Variants in RBM20 observed in about 807,000 individuals in gnomAD.
RBM20 encodes the protein RNA binding motif protein 20.
A neutral mutation model predicts 110.1 loss-of-function variants in RBM20; 51 were observed. The observed-to-expected ratio is 0.46, with a 90% CI of 0.37 to 0.59. The LOEUF is 0.59. Ranked by LOEUF, RBM20 falls within the 20% of genes least tolerant of loss-of-function variation. The pLI is 0.00. For missense variants in RBM20, 1,512 were observed against 1,574.9 expected (o/e 0.96, Z 0.68); for synonymous variants, 589 against 618.2 (o/e 0.95, Z 0.70).
intron 1 of RBM20, among the ~76,000 whole-genome samples, chr10:110,721,693 C>A (rs1421904166): frequency 6.6e-6 from 1 of 152,066 alleles, no homozygotes; most frequent in East Asian, 1.9e-4. Flanking sequence ...AAAGTGTCTC[C>A]CTATTTCTCA....
intron 1 of RBM20, among the ~76,000 whole-genome samples, chr10:110,758,661 C>G (rs1686492533): frequency 6.6e-6 from 1 of 152,166 alleles, no homozygotes; most frequent in African/African-American, 2.4e-5. Flanking sequence ...TATGTGCTGT[C>G]TAGCATGATA....
chr10:110,702,363 C>T (rs1432525630), intron 1 of RBM20, among the ~76,000 whole-genome samples: 1 of 144,794 alleles, frequency 6.9e-6, no homozygotes, highest in African/African-American at 2.8e-5. Flanking sequence ...CCATCTCTAC[C>T]AAACAAACAA....
intron 7 of RBM20, among the ~76,000 whole-genome samples, chr10:110,800,577 G>C (rs149466430): frequency 2.0e-5 from 3 of 152,036 alleles, no homozygotes; most frequent in Non-Finnish European, 4.4e-5. Context: ...CACAAATCCC[G>C]TAAAACCACC....
In RBM20 at chr10:110,821,707, A is replaced by C; in HGVS notation, c.3088A>C (p.Lys1030Gln). Residue 1030 changes from lysine to glutamine, a missense_variant, in exon 11 of 14, where the codon AAG becomes CAG. By Grantham distance (53) the Lys-to-Gln change is moderately conservative (BLOSUM62 1). Coordinates refer to ENST00000369519, the MANE Select transcript of RBM20 (RefSeq NM_001134363.3). ...TTCAGATTGCTACGAGAAGGAGGCA[A>C]AGGGAGTGGAGAGCTCAGATGTTCA... Reference protein sequence around the residue: ...EDSDCYEKEAKGVESSDVHPA... With the variant: ...EDSDCYEKEAQGVESSDVHPA... 1.3e-6 allele frequency: 2 copies of C among 1,551,766 alleles called. No individual in the cohort carries two copies. Among genetic ancestry groups the C allele is most frequent in the African/African-American group, 1.4e-5 (1 of 73,162 alleles).
chr10:110,664,734 G>A (rs1045580270), intron 1 of RBM20, among the ~76,000 whole-genome samples: 2 of 151,928 alleles, frequency 1.3e-5, no homozygotes, highest in Admixed American at 6.6e-5. Context: ...GCAACAGAGT[G>A]AGACTCTGTC....
intron 1 of RBM20, among the ~76,000 whole-genome samples, chr10:110,667,386 C>T (rs1862193862): frequency 6.6e-6 from 1 of 152,128 alleles, no homozygotes; most frequent in Non-Finnish European, 1.5e-5. Flanking sequence ...TGAGGAGGCT[C>T]AGTGCTCTAA....
intron 1 of RBM20, among the ~76,000 whole-genome samples, chr10:110,764,844 A>G (rs1844058211): frequency 6.6e-6 from 1 of 152,186 alleles, no homozygotes; most frequent in Admixed American, 6.5e-5. Context: ...GCATGACATC[A>G]TCCTACCTTT....
chr10:110,817,702 C>G (rs777880477), intron 9 of RBM20, among the ~76,000 whole-genome samples: 5 of 152,218 alleles, frequency 3.3e-5, no homozygotes, highest in Non-Finnish European at 5.9e-5. Flanking sequence ...TGTGATAAAT[C>G]TGAGCCTTCT....
intron 1 of RBM20, among the ~76,000 whole-genome samples, chr10:110,753,717 A>G (rs993989133): frequency 6.6e-6 from 1 of 152,194 alleles, no homozygotes; most frequent in Non-Finnish European, 1.5e-5. Context: ...GCAGAAGCCC[A>G]TCATCAGTTT....
At chr10:110,772,029 G>A (rs1844200821) in intron 1 of RBM20, among the ~76,000 whole-genome samples, 1 of 152,024 alleles carries the variant, frequency 6.6e-6, no homozygotes, top group African/African-American at 2.4e-5. Flanking sequence ...TTATGTTACC[G>A]AGAAAATGGA....
At chr10:110,714,798 G>T (rs1590632355) in intron 1 of RBM20, among the ~76,000 whole-genome samples, 1 of 151,884 alleles carries the variant, frequency 6.6e-6, no homozygotes, top group Non-Finnish European at 1.5e-5. Flanking sequence ...TAGTTGACCT[G>T]GTTGGAGACC....
chr10:110,714,609 G>C (rs918979909), intron 1 of RBM20, among the ~76,000 whole-genome samples: 1 of 152,258 alleles, frequency 6.6e-6, no homozygotes, highest in African/African-American at 2.4e-5. Context: ...AGGAGCTGCT[G>C]CCCCAAGAGA....
upstream of RBM20, among the ~76,000 whole-genome samples, chr10:110,643,510 AC>A (rs371221208): frequency 4.7e-4 from 72 of 152,314 alleles, no homozygotes; most frequent in South Asian, 0.014. Context: ...CGTGACGGTG[AC>A]CGTACGTTGT....
chr10:110,648,612 A>G (rs1861901743), intron 1 of RBM20, among the ~76,000 whole-genome samples: 1 of 152,170 alleles, frequency 6.6e-6, no homozygotes, highest in South Asian at 2.1e-4. Flanking sequence ...TTGTAGAAGG[A>G]ATTTTGAAAA....
At chr10:110,691,229 G>C (rs1862581469) in intron 1 of RBM20, among the ~76,000 whole-genome samples, 1 of 152,192 alleles carries the variant, frequency 6.6e-6, no homozygotes, top group Non-Finnish European at 1.5e-5. Context: ...GGACTTCCCA[G>C]CCTTCAGAAC....
intron 1 of RBM20, among the ~76,000 whole-genome samples, chr10:110,693,705 T>A (rs1369715480): frequency 6.6e-6 from 1 of 152,240 alleles, no homozygotes; most frequent in Non-Finnish European, 1.5e-5. Flanking sequence ...TATTCAATTT[T>A]TGCCAAATAT....
At position 110,652,930 on chromosome 10, in the gene RBM20, A is replaced by T. The variant is rs573683825; in HGVS notation, c.191+8285A>T. Among the ~76,000 whole-genome samples the T allele has an allele frequency of 4.6e-5, 7 of 152,218 alleles. No individual in the cohort carries two copies. In the South Asian group the frequency reaches 1.5e-3, roughly 32 times the overall value. On this transcript the variant is annotated intron_variant, in intron 1 of 13. Transcript: ENST00000369519. ...CATCCTGCTCACCCACCCACACGGG[A>T]CTTTTATGGGAGTGGCAGTAGACTG...
intron 1 of RBM20, among the ~76,000 whole-genome samples, chr10:110,753,868 G>A (rs1310137827): frequency 6.6e-6 from 1 of 152,140 alleles, no homozygotes; most frequent in Non-Finnish European, 1.5e-5. Flanking sequence ...CTCAAAGACA[G>A]CAGCCATTGT....
intron 1 of RBM20, among the ~76,000 whole-genome samples, chr10:110,776,987 T>G (rs1217193095): frequency 6.6e-6 from 1 of 152,176 alleles, no homozygotes; most frequent in African/African-American, 2.4e-5. Context: ...GTTTGTGGGT[T>G]TTTCTCCACA....
Sources: allele counts gnomAD v4.1 joint callset (sites outside exome capture counted in the v4.1 genomes callset), GRCh38; gene constraint gnomAD v4.1.1; transcripts MANE v1.5; gene names NCBI Gene and HGNC (gene_info 2026-07-23, HGNC 2026-07-21).